The following PTPRD variants were observed in gnomAD, a reference collection of about 807,000 sequenced individuals.
The protein encoded by PTPRD is receptor-type tyrosine-protein phosphatase delta.
In PTPRD, 34 loss-of-function variants were observed where a neutral mutation model predicts 214.5. The observed-to-expected ratio is 0.16, with a 90% CI of 0.12 to 0.21. PTPRD has a LOEUF of 0.21. Ranked by LOEUF, PTPRD falls within the 10% of genes least tolerant of loss-of-function variation. The pLI is 1.00. For synonymous variants in PTPRD, 1,128 were observed against 845.7 expected, an observed-to-expected ratio of 1.33 and a Z score of -5.79; for missense variants, 2,545 against 2,398.7, an observed-to-expected ratio of 1.06 and a Z score of -1.27.
In PTPRD at chr9:9,537,710, T is replaced by G. The variant is rs534297835; in HGVS notation, c.-237+37022A>C. 5.3e-4 allele frequency among the ~76,000 whole-genome samples: 80 copies of G among 151,990 alleles called. 1 individual carries two copies. Among genetic ancestry groups the G allele is most frequent in the African/African-American group, 1.8e-3 (73 of 41,504 alleles). On this transcript the variant is annotated intron_variant, in intron 8 of 45. Transcript: ENST00000381196. ...GCTTTATGAAGCCCTAAGACAGATG[T>G]TTCTCACAAACCTCACTGTTAAAAA... is the stretch of plus-strand genomic sequence containing the variant.
At chr9:9,142,617 G>C (rs1202355187) in intron 10 of PTPRD, among the ~76,000 whole-genome samples, 1 of 152,128 alleles carries the variant, frequency 6.6e-6, no homozygotes, top group Non-Finnish European at 1.5e-5. Flanking sequence ...AGCTTAACTA[G>C]AGATGTTTGT....
chr9:8,502,536 G>A (rs990234990), intron 23 of PTPRD, among the ~76,000 whole-genome samples: 4 of 151,940 alleles, frequency 2.6e-5, no homozygotes, highest in African/African-American at 9.7e-5. Context: ...TTGTAAATTT[G>A]GAATAAGATT....
At chr9:9,178,589 T>C (rs1302233953) in intron 10 of PTPRD, among the ~76,000 whole-genome samples, 3 of 152,074 alleles carry the variant, frequency 2.0e-5, no homozygotes, top group African/African-American at 7.2e-5. Flanking sequence ...AGTGTAGACA[T>C]ATTGACAAAC....
At chr9:8,727,636 G>C (rs1379799449) in intron 12 of PTPRD, among the ~76,000 whole-genome samples, 1 of 150,612 alleles carries the variant, frequency 6.6e-6, no homozygotes. Context: ...TTTTGGTTTA[G>C]GTGTTTTTTG....
intron 11 of PTPRD, among the ~76,000 whole-genome samples, chr9:8,932,258 C>A (rs576721187): frequency 1.2e-4 from 18 of 152,020 alleles, no homozygotes; most frequent in Non-Finnish European, 2.4e-4. Flanking sequence ...GTTAGGGTGT[C>A]GACTTTAGAT....
chr9:9,815,950 C>CATA (rs1467100288), intron 5 of PTPRD, among the ~76,000 whole-genome samples: 2 of 152,048 alleles, frequency 1.3e-5, no homozygotes, highest in Admixed American at 1.3e-4. Context: ...GTGAGGTGAA[C>CATA]TTTTTTAAGT....
intron 10 of PTPRD, among the ~76,000 whole-genome samples, chr9:9,157,776 G>C (rs1003125851): frequency 5.3e-5 from 8 of 152,122 alleles, no homozygotes; most frequent in African/African-American, 1.9e-4. Context: ...TGTTACGTAG[G>C]TAAACGTGTG....
At chr9:8,447,268 A>G (rs2095767878) in intron 34 of PTPRD, among the ~76,000 whole-genome samples, 1 of 152,018 alleles carries the variant, frequency 6.6e-6, no homozygotes, top group African/African-American at 2.4e-5. Flanking sequence ...TGTCTACTTT[A>G]TTCCCTTATT....
chr9:8,333,961 A>G (rs1844077616), intron 43 of PTPRD, among the ~76,000 whole-genome samples: 1 of 151,750 alleles, frequency 6.6e-6, no homozygotes, highest in Admixed American at 6.6e-5. Context: ...TGGCAAAGGG[A>G]TCAATGAACG....
At chr9:10,234,964 G>C (rs1018387475) in intron 3 of PTPRD, among the ~76,000 whole-genome samples, 1 of 151,400 alleles carries the variant, frequency 6.6e-6, no homozygotes, top group Admixed American at 6.6e-5. Flanking sequence ...AAATATTTTA[G>C]TGCAACATAC....
At chr9:10,238,140 G>C (rs1457499821) in intron 3 of PTPRD, among the ~76,000 whole-genome samples, 5 of 119,536 alleles carry the variant, frequency 4.2e-5, no homozygotes, top group Non-Finnish European at 1.0e-4. Context: ...TAGTGTGAAA[G>C]CTGACCATAC....
At chr9:9,852,625 C>T (rs73643805) in intron 5 of PTPRD, among the ~76,000 whole-genome samples, 1 of 151,816 alleles carries the variant, frequency 6.6e-6, no homozygotes, top group African/African-American at 2.4e-5. Context: ...TTCATATAAT[C>T]CTTTATATTG....
intron 21 of PTPRD, among the ~76,000 whole-genome samples, chr9:8,514,237 G>T (rs1201015030): frequency 1.3e-5 from 2 of 152,104 alleles, no homozygotes; most frequent in Non-Finnish European, 2.9e-5. Context: ...TACGACTGAA[G>T]GCATCAGGGT....
intron 12 of PTPRD, among the ~76,000 whole-genome samples, chr9:8,733,116 G>A (rs558621590): frequency 1.3e-5 from 2 of 152,274 alleles, no homozygotes; most frequent in African/African-American, 4.8e-5. Context: ...TTAGGAAGAT[G>A]TGATCTTCTC....
chr9:9,153,803 G>C (rs2099878894), intron 10 of PTPRD, among the ~76,000 whole-genome samples: 1 of 152,120 alleles, frequency 6.6e-6, no homozygotes, highest in African/African-American at 2.4e-5. Context: ...AATAAAATTT[G>C]GGGTAGAGGA....
chr9:9,390,990 A>G (rs2065641356), intron 9 of PTPRD, among the ~76,000 whole-genome samples: 2 of 152,198 alleles, frequency 1.3e-5, no homozygotes, highest in Non-Finnish European at 1.5e-5. Flanking sequence ...AGATATCTTG[A>G]TAAGATAGTT....
At chr9:10,236,676 T>A (rs1272528448) in intron 3 of PTPRD, among the ~76,000 whole-genome samples, 1 of 151,934 alleles carries the variant, frequency 6.6e-6, no homozygotes, top group African/African-American at 2.4e-5. Flanking sequence ...ATTTAGGATA[T>A]ATTGAAAATC....
At chr9:8,766,740 G>A (rs369911475) in intron 11 of PTPRD, among the ~76,000 whole-genome samples, 6 of 152,108 alleles carry the variant, frequency 3.9e-5, no homozygotes, top group African/African-American at 9.7e-5. Context: ...GTAAATAATT[G>A]TCTTACTTGT....
intron 8 of PTPRD, among the ~76,000 whole-genome samples, chr9:9,445,039 C>G (rs1372690624): frequency 2.0e-5 from 3 of 152,018 alleles, no homozygotes; most frequent in Non-Finnish European, 4.4e-5. Flanking sequence ...GAGTGAGCAA[C>G]AAACACACAA....
Sources: allele counts gnomAD v4.1 joint callset (sites outside exome capture counted in the v4.1 genomes callset), GRCh38; gene constraint gnomAD v4.1.1; transcripts MANE v1.5; gene names NCBI Gene and HGNC (gene_info 2026-07-23, HGNC 2026-07-21).